GPC5: variants seen among roughly 807,000 people sequenced by gnomAD.
GPC5 encodes glypican-5.
GPC5 carries 47 observed loss-of-function variants against 53.9 expected under a neutral mutation model. That is an observed-to-expected ratio of 0.87 (90% CI 0.69 to 1.11). The LOEUF is 1.11. Among genes scored for constraint, GPC5 ranks in the 50% most tolerant of loss-of-function variants. GPC5 has a pLI of 0.00. For missense variants in GPC5, 748 were observed against 713.1 expected, an observed-to-expected ratio of 1.05 and a Z score of -0.56; for synonymous variants, 286 against 263.3, an observed-to-expected ratio of 1.09 and a Z score of -0.84.
rs765348924 is a variant in GPC5, at chr13:91,489,225, C to T, written c.325+40303C>T. On this transcript the variant is annotated intron_variant, in intron 2 of 7. Transcript: ENST00000377067. The stretch of plus-strand genomic sequence containing the variant: ...GCATGTGATCTCTGTGACTCACACC[C>T]TATTCGTACACTCCCTCCCCTTTTG... 2.3e-4 allele frequency among the ~76,000 whole-genome samples: 35 copies of T among 152,176 alleles called. 1 individual carries two copies. The highest frequency in any genetic ancestry group is 4.1e-4 in the African/African-American group (17 of 41,444).
At chr13:92,199,063 C>A (rs2042276501) in intron 7 of GPC5, among the ~76,000 whole-genome samples, 1 of 152,164 alleles carries the variant, frequency 6.6e-6, no homozygotes, top group Non-Finnish European at 1.5e-5. Context: ...CACTAACTGA[C>A]ACATCAATGC....
At chr13:91,709,245 T>C (rs2139898492) in intron 3 of GPC5, among the ~76,000 whole-genome samples, 1 of 152,348 alleles carries the variant, frequency 6.6e-6, no homozygotes, top group South Asian at 2.1e-4. Flanking sequence ...GAAGTCAGAA[T>C]GCTATTTTTA....
chr13:92,664,353 GA>G (rs1209806484), intron 7 of GPC5, among the ~76,000 whole-genome samples: 4 of 107,752 alleles, frequency 3.7e-5, no homozygotes, highest in Admixed American at 1.0e-4. Flanking sequence ...AAATCCAATA[GA>G]TTTTTTTTTT....
At chr13:92,206,490 T>A (rs1253805676) in intron 7 of GPC5, among the ~76,000 whole-genome samples, 1 of 151,954 alleles carries the variant, frequency 6.6e-6, no homozygotes. Flanking sequence ...CCGGCTGTCA[T>A]GCCATGTATT....
At chr13:92,453,087 C>A (rs916208922) in intron 7 of GPC5, among the ~76,000 whole-genome samples, 2 of 152,056 alleles carry the variant, frequency 1.3e-5, no homozygotes, top group African/African-American at 2.4e-5. Context: ...GTATTTCATC[C>A]CAAATCCATA....
intron 5 of GPC5, among the ~76,000 whole-genome samples, chr13:91,776,070 A>G (rs1424374082): frequency 1.3e-5 from 2 of 152,186 alleles, no homozygotes; most frequent in African/African-American, 4.8e-5. Context: ...GTTGCCTCAG[A>G]CCACCAGAAA....
chr13:91,552,632 C>A (rs2030711991), intron 2 of GPC5, among the ~76,000 whole-genome samples: 1 of 152,108 alleles, frequency 6.6e-6, no homozygotes, highest in South Asian at 2.1e-4. Flanking sequence ...TGGTTAACTG[C>A]AGCAGAAGCA....
intron 7 of GPC5, among the ~76,000 whole-genome samples, chr13:92,810,089 T>C (rs1877239969): frequency 6.6e-6 from 1 of 152,058 alleles, no homozygotes; most frequent in Admixed American, 6.6e-5. Context: ...AATAAAGCCC[T>C]CAAATAAACT....
At chr13:92,090,296 G>A (rs1309711001) in intron 6 of GPC5, among the ~76,000 whole-genome samples, 1 of 152,026 alleles carries the variant, frequency 6.6e-6, no homozygotes, top group African/African-American at 2.4e-5. Flanking sequence ...CTGAATGATG[G>A]TGACCCCCAA....
intron 2 of GPC5, among the ~76,000 whole-genome samples, chr13:91,517,471 A>G (rs994117602): frequency 6.6e-6 from 1 of 152,206 alleles, no homozygotes; most frequent in Non-Finnish European, 1.5e-5. Context: ...AGACCATCTC[A>G]GCCTGGACCT....
intron 2 of GPC5, among the ~76,000 whole-genome samples, chr13:91,619,082 G>A (rs9523382): frequency 0.26 from 39,842 of 151,822 alleles, 6,882 homozygotes; most frequent in African/African-American, 0.49. Context: ...ATTAGAAAGA[G>A]GAGAGAATTA....
At chr13:92,480,176 A>G (rs1879294885) in intron 7 of GPC5, among the ~76,000 whole-genome samples, 1 of 152,148 alleles carries the variant, frequency 6.6e-6, no homozygotes, top group Non-Finnish European at 1.5e-5. Flanking sequence ...TAGAATCTTC[A>G]ATACAAACAG....
intron 7 of GPC5, among the ~76,000 whole-genome samples, chr13:92,272,385 T>C (rs891548936): frequency 1.5e-4 from 23 of 152,146 alleles, no homozygotes; most frequent in Admixed American, 1.2e-3. Flanking sequence ...TGGGGCTACA[T>C]TGAGAAAACT....
intron 6 of GPC5, among the ~76,000 whole-genome samples, chr13:92,022,525 C>T (rs1238556278): frequency 2.6e-5 from 4 of 151,922 alleles, no homozygotes; most frequent in Non-Finnish European, 5.9e-5. Flanking sequence ...GAGTCAGGTA[C>T]ATGGTGGATC....
intron 7 of GPC5, among the ~76,000 whole-genome samples, chr13:92,744,387 A>G (rs1168020226): frequency 1.3e-5 from 2 of 152,068 alleles, no homozygotes; most frequent in Non-Finnish European, 2.9e-5. Flanking sequence ...GACTGGTATA[A>G]GAGCGATTTG....
chr13:92,192,197 G>T (rs148232007), intron 7 of GPC5, among the ~76,000 whole-genome samples: 2 of 152,114 alleles, frequency 1.3e-5, no homozygotes, highest in African/African-American at 4.8e-5. Context: ...CTCAGAGAAC[G>T]TACAATACCA....
At chr13:92,700,311 C>CTTTA (rs1019301585) in intron 7 of GPC5, among the ~76,000 whole-genome samples, 2 of 145,218 alleles carry the variant, frequency 1.4e-5, no homozygotes, top group Admixed American at 1.4e-4. Flanking sequence ...TCCTCCATCC[C>CTTTA]TTTATTTTGA....
chr13:91,621,761 T>TATACATATATATATATA (rs11462875), intron 2 of GPC5, among the ~76,000 whole-genome samples: 6 of 46,866 alleles, frequency 1.3e-4, no homozygotes, highest in Non-Finnish European at 3.1e-4. Flanking sequence ...GGACAGAACA[T>TATACATATATATATATA]TATATATATA....
rs988806097 is a variant in GPC5 at position 91,693,286 on chromosome 13, A to C, written c.425A>C (p.Gln142Pro). The change falls in exon 3 of 8, where the codon CAG (glutamine) becomes CCG (proline). Residue 142 changes from glutamine (Q) to proline (P), a missense_variant. Gln to Pro is a moderately conservative substitution (Grantham distance 76). Coordinates refer to ENST00000377067, the MANE Select transcript of GPC5 (RefSeq NM_004466.6). ...GCCTTGGAGGCTGCTGCTTCGGTTC[A>C]GGAGTTCTTCACTGATGTGGGGCTG... ...NMALEAAASV[Q>P]EFFTDVGLYL... is the part of the protein sequence containing the mutation. 2 of 1,613,996 alleles carry C rather than the reference A, an allele frequency of 1.2e-6. No individual in the cohort carries two copies. Among genetic ancestry groups the C allele is most frequent in the Non-Finnish European group, 1.7e-6 (2 of 1,180,006 alleles).
Sources: gnomAD v4.1 joint callset for allele counts (sites outside exome capture counted in the v4.1 genomes callset) on GRCh38, gnomAD v4.1.1 for gene constraint, MANE v1.5 for transcripts, NCBI Gene and HGNC (gene_info 2026-07-23, HGNC 2026-07-21) for gene names.